Variants in THSD7A observed in about 807,000 individuals in gnomAD.
THSD7A encodes thrombospondin type-1 domain-containing protein 7A.
A neutral mutation model predicts 231.3 loss-of-function variants in THSD7A; 96 were observed. That is an observed-to-expected ratio of 0.41 (90% confidence interval 0.35 to 0.49). The LOEUF (loss-of-function observed/expected upper bound fraction) is 0.49. Ranked by LOEUF, THSD7A falls within the 20% of genes least tolerant of loss-of-function variation. The pLI, the probability that THSD7A is intolerant of heterozygous loss-of-function variation, is 0.05. For missense variants in THSD7A, 2,290 were observed against 2,070.2 expected (o/e 1.11, Z -2.06); for synonymous variants, 940 against 743.3 (o/e 1.26, Z -4.30).
chr7:11,568,509 C>T (rs1464516999), intron 4 of THSD7A, among the ~76,000 whole-genome samples: 1 of 151,168 alleles, frequency 6.6e-6, no homozygotes, highest in Non-Finnish European at 1.5e-5. Context: ...CCTGTAGTCC[C>T]AGCTATTTGG....
intron 1 of THSD7A, among the ~76,000 whole-genome samples, chr7:11,726,102 T>C (rs760270791): frequency 4.5e-4 from 69 of 152,002 alleles, no homozygotes; most frequent in Non-Finnish European, 7.7e-4. Flanking sequence ...TGATGTAAAA[T>C]AGTTTCCATA....
In THSD7A at chr7:11,735,403, T is replaced by A. The variant is rs186508205; in HGVS notation, c.190+96354A>T. Reference sequence around the variant, plus strand: ...CAACATGATGCCACAAGTAGAAAATTCCATACATAAGCACTTAAACAAACT... The same window carrying A: ...CAACATGATGCCACAAGTAGAAAATACCATACATAAGCACTTAAACAAACT... On this transcript the variant is annotated intron_variant, in intron 1 of 27. Coordinates refer to ENST00000423059, the MANE Select transcript of THSD7A (RefSeq NM_015204.3). Among the ~76,000 whole-genome samples, 550 of 152,060 alleles carry A rather than the reference T, an allele frequency of 3.6e-3. 4 individuals are homozygous for A. Among genetic ancestry groups the A allele is most frequent in the African/African-American group, 0.013 (520 of 41,542 alleles).
At chr7:11,451,429 C>G (rs1583766762) in intron 11 of THSD7A, among the ~76,000 whole-genome samples, 1 of 151,886 alleles carries the variant, frequency 6.6e-6, no homozygotes, top group Admixed American at 6.6e-5. Flanking sequence ...AATACTCCAG[C>G]AAAATTCTTT....
At chr7:11,391,658 G>A (rs1187357442) in intron 23 of THSD7A, among the ~76,000 whole-genome samples, 2 of 152,162 alleles carry the variant, frequency 1.3e-5, no homozygotes, top group South Asian at 2.1e-4. Context: ...TGCCATTGGG[G>A]TATGAAAAAA....
At chr7:11,808,121 G>A (rs910865756) in intron 1 of THSD7A, among the ~76,000 whole-genome samples, 2 of 150,670 alleles carry the variant, frequency 1.3e-5, no homozygotes, top group African/African-American at 4.9e-5. Flanking sequence ...TTACGCCAGG[G>A]TGCCAACTTC....
chr7:11,414,620 G>A (rs936633542), intron 17 of THSD7A, among the ~76,000 whole-genome samples: 3 of 152,124 alleles, frequency 2.0e-5, no homozygotes, highest in Non-Finnish European at 2.9e-5. Context: ...TCATTCTTCA[G>A]TTGACAACAT....
intron 1 of THSD7A, among the ~76,000 whole-genome samples, chr7:11,684,004 C>T (rs778073391): frequency 5.9e-5 from 9 of 151,982 alleles, no homozygotes; most frequent in Non-Finnish European, 1.0e-4. Flanking sequence ...CAAACTGAAT[C>T]TGGCAACACA....
chr7:11,759,488 A>G (rs1782787781), intron 1 of THSD7A, among the ~76,000 whole-genome samples: 2 of 152,086 alleles, frequency 1.3e-5, no homozygotes, highest in African/African-American at 4.8e-5. Flanking sequence ...AAAGAGTGAG[A>G]AGATCTAACA....
At chr7:11,445,127 T>A (rs551399872) in intron 13 of THSD7A, among the ~76,000 whole-genome samples, 1 of 152,010 alleles carries the variant, frequency 6.6e-6, no homozygotes, top group South Asian at 2.1e-4. Flanking sequence ...GATATATTAA[T>A]ATTTCAGCAA....
At chr7:11,790,327 T>C (rs886548854) in intron 1 of THSD7A, among the ~76,000 whole-genome samples, 3 of 151,966 alleles carry the variant, frequency 2.0e-5, no homozygotes, top group Non-Finnish European at 2.9e-5. Context: ...TACTCTATTT[T>C]GCAACATTTG....
intron 2 of THSD7A, among the ~76,000 whole-genome samples, chr7:11,602,498 TG>T (rs1450973512): frequency 3.3e-5 from 5 of 152,218 alleles, no homozygotes; most frequent in African/African-American, 1.2e-4. Flanking sequence ...TAGGTTACTA[TG>T]GTGAATTTCA....
intron 1 of THSD7A, among the ~76,000 whole-genome samples, chr7:11,817,395 C>A (rs550267356): frequency 6.0e-4 from 91 of 152,302 alleles, no homozygotes; most frequent in African/African-American, 2.0e-3. Flanking sequence ...AAACAAAACA[C>A]TGGGGCAGAA....
chr7:11,610,761 G>A (rs1427442758), intron 2 of THSD7A, among the ~76,000 whole-genome samples: 1 of 151,984 alleles, frequency 6.6e-6, no homozygotes, highest in Non-Finnish European at 1.5e-5. Flanking sequence ...GCAACAAATA[G>A]GAAAAATGAA....
rs1036974904 is a variant in THSD7A, at chr7:11,585,926, AT to A, written c.1453+4533del. 3.6e-3 allele frequency among the ~76,000 whole-genome samples: 538 copies of A among 150,946 alleles called. 2 individuals carry two copies. The highest frequency in any genetic ancestry group is 0.012 in the African/African-American group (513 of 41,142). ...CTCCACATTCCTCAGCTGGGAATCA[AT>A]TTTTTTTTTCGCGTCAATGTTATGA... On this transcript the variant is annotated intron_variant, in intron 4 of 27. Coordinates refer to ENST00000423059, the MANE Select transcript of THSD7A (RefSeq NM_015204.3).
At position 11,389,421 on chromosome 7, in the gene THSD7A, C is replaced by CTTTTTTTTTTTTTTTT. The variant is rs57755425; in HGVS notation, c.4412-6821_4412-6806dup. ...TCAGAGACTAGAATTGCAACTCCTG[C>CTTTTTTTTTTTTTTTT]TTTTTTTTTTTTTTTTTTTTTTTTT... On this transcript the variant is annotated intron_variant, in intron 23 of 27. Coordinates refer to ENST00000423059, the MANE Select transcript of THSD7A (RefSeq NM_015204.3). Among the ~76,000 whole-genome samples, 8 of 37,608 alleles carry CTTTTTTTTTTTTTTTT rather than the reference C, an allele frequency of 2.1e-4. 1 individual carries two copies. The highest frequency in any genetic ancestry group is 2.9e-4 in the Non-Finnish European group (6 of 20,704). 24.7% of individuals were successfully genotyped at this position (37,608 alleles called of 152,430 possible). A position where few individuals can be genotyped will look rare whatever the true frequency, so the allele number is the denominator to read the frequency against.
intron 6 of THSD7A, among the ~76,000 whole-genome samples, chr7:11,502,398 G>A (rs1026285530): frequency 6.6e-6 from 1 of 152,060 alleles, no homozygotes; most frequent in Non-Finnish European, 1.5e-5. Flanking sequence ...CAAAATACTT[G>A]CAAACCAAAT....
At chr7:11,801,845 T>C (rs1040306205) in intron 1 of THSD7A, among the ~76,000 whole-genome samples, 1 of 152,154 alleles carries the variant, frequency 6.6e-6, no homozygotes, top group Non-Finnish European at 1.5e-5. Context: ...TACCACAAAA[T>C]TAAAGTAACA....
intron 6 of THSD7A, among the ~76,000 whole-genome samples, chr7:11,529,937 C>G (rs1788633697): frequency 1.3e-5 from 2 of 152,108 alleles, no homozygotes. Flanking sequence ...CAATTCCTAG[C>G]ATTTAGCATA....
At position 11,444,391 on chromosome 7, in the gene THSD7A, GAACC is replaced by G. The variant is rs1273370742; in HGVS notation, c.3064+1666_3064+1669del. 1.3e-5 allele frequency among the ~76,000 whole-genome samples: 2 copies of G among 152,128 alleles called. No homozygotes were observed. Among genetic ancestry groups the G allele is most frequent in the African/African-American group, 4.8e-5 (2 of 41,508 alleles). ...CACTGTTCACAATAGCAAAGACTCG[GAACC>G]AACCCAAATGCTCATCAATGATATA... On this transcript the variant is annotated intron_variant, in intron 13 of 27. Transcript: ENST00000423059. This position sits in a 1 kb window ranked among gnomAD's most constrained non-coding sequence, Gnocchi z 4.2.
Sources: allele counts gnomAD v4.1 joint callset (sites outside exome capture counted in the v4.1 genomes callset), GRCh38; gene constraint gnomAD v4.1.1; non-coding constraint Gnocchi (gnomAD v3.1); transcripts MANE v1.5; gene names NCBI Gene and HGNC (gene_info 2026-07-23, HGNC 2026-07-21).